Variants in SENP2 observed in about 807,000 individuals in gnomAD.
SENP2 encodes the protein SUMO specific peptidase 2, also known as sentrin-specific protease 2.
A neutral mutation model predicts 86.3 loss-of-function variants in SENP2; 16 were observed. The observed-to-expected ratio is 0.19, with a 90% CI of 0.13 to 0.28. The LOEUF (loss-of-function observed/expected upper bound fraction) is 0.28, where lower values mean the gene tolerates loss of function less well. Ranked by LOEUF, SENP2 falls within the 10% of genes least tolerant of loss-of-function variation. The pLI, the probability that SENP2 is intolerant of heterozygous loss-of-function variation, is 1.00. For missense variants in SENP2, 552 were observed against 703.0 expected, an observed-to-expected ratio of 0.79 and a Z score of 2.43; for synonymous variants, 222 against 238.7, an observed-to-expected ratio of 0.93 and a Z score of 0.64.
At chr3:185,627,334 G>A (rs1305019272) in intron 16 of SENP2, among the ~76,000 whole-genome samples, 1 of 152,186 alleles carries the variant, frequency 6.6e-6, no homozygotes, top group Non-Finnish European at 1.5e-5. Context: ...AAATCGGCCT[G>A]TGAGAACTGA....
chr3:185,603,882 G>C (rs1722426371), intron 5 of SENP2, among the ~76,000 whole-genome samples: 1 of 152,176 alleles, frequency 6.6e-6, no homozygotes, highest in African/African-American at 2.4e-5. Flanking sequence ...AGCACTTTGG[G>C]AGGCTGAGGT....
At chr3:185,621,767 A>C (rs1711900023) in intron 13 of SENP2, 59 bp from the exon 14 acceptor site, 1 of 1,022,272 alleles carries the variant, frequency 9.8e-7, no homozygotes, top group African/African-American at 1.6e-5. Context: ...TTTTGGAAGT[A>C]AAATTCTCAC....
Position 185,633,463 on chromosome 3 carries a change from T to C in SENP2, c.*3619T>C, listed in dbSNP as rs1460266670. On this transcript the variant is annotated 3_prime_UTR_variant, in exon 17 of 17. Transcript: ENST00000296257. Reference sequence around the variant, plus strand: ...GCTTTGATAATTTTTTTCTTTTAATTTACCTAATATATATAAGGAAGGGGT... The same window carrying C: ...GCTTTGATAATTTTTTTCTTTTAATCTACCTAATATATATAAGGAAGGGGT... 2 of 152,226 alleles carry C rather than the reference T, an allele frequency of 1.3e-5. No individual in the cohort carries two copies. Among genetic ancestry groups the C allele is most frequent in the East Asian group, 3.8e-4 (2 of 5,202 alleles). 9.4% of individuals were successfully genotyped at this position (152,226 alleles called of 1,614,324 possible). A position where few individuals can be genotyped will look rare whatever the true frequency, so the allele number is the denominator to read the frequency against.
intron 5 of SENP2, among the ~76,000 whole-genome samples, chr3:185,604,572 C>T (rs1435729061): frequency 2.6e-5 from 4 of 152,084 alleles, no homozygotes; most frequent in Admixed American, 2.0e-4. Context: ...GTCTTTGCTC[C>T]ATGTTTTTTT....
intron 15 of SENP2, among the ~76,000 whole-genome samples, chr3:185,625,784 G>A (rs1294327012): frequency 6.6e-6 from 1 of 152,154 alleles, no homozygotes; most frequent in Non-Finnish European, 1.5e-5. Flanking sequence ...TTACATTTCC[G>A]ATTGACCACA....
Position 185,600,793 on chromosome 3 carries a change from C to G in SENP2, c.387C>G (p.Asp129Glu). The change falls in exon 5 of 17, where the codon GAC (aspartate) becomes GAG (glutamate). Residue 129 changes from aspartate (D) to glutamate (E), a missense_variant. Around this residue, in one of 2 missense-constraint regions of SENP2, gnomAD observed 383 missense variants for 427.3 expected, o/e 0.90. Coordinates refer to ENST00000296257, the MANE Select transcript of SENP2 (RefSeq NM_021627.3). ...ATAAATCTCCTAATGGAATAAGTGA[C>G]TATCCAAAGATCAGAGTGACAGTTA... ...LGNKSPNGIS[D>E]YPKIRVTVTR... 1.2e-6 allele frequency: 2 copies of G among 1,609,278 alleles called. No individual in the cohort carries two copies. The highest frequency in any genetic ancestry group is 1.7e-6 in the Non-Finnish European group (2 of 1,175,906).
chr3:185,596,155 G>A (rs1330831088), intron 2 of SENP2, among the ~76,000 whole-genome samples: 3 of 151,974 alleles, frequency 2.0e-5, no homozygotes, highest in East Asian at 1.9e-4. Context: ...TAGTAGAGAC[G>A]GTTTCGCCAT....
rs759847077 is a variant in SENP2, at chr3:185,598,907, T to C, written c.292-51T>C. ...GTTATCTTTTCATAATAGAAAGTTA[T>C]TTAGGTGACAAAATTTAGATGCTAC... On this transcript the variant is annotated intron_variant, in intron 3 of 16. Coordinates refer to ENST00000296257, the MANE Select transcript of SENP2 (RefSeq NM_021627.3). The C allele has an allele frequency of 1.0e-5, 14 of 1,401,394 alleles. No individual in the cohort carries two copies. In the South Asian group the frequency reaches 1.7e-4, roughly 17 times the overall value. The allele number at this position is 1,401,394 out of a possible 1,614,324, so 86.8% of individuals were successfully genotyped here. A position where few individuals can be genotyped will look rare whatever the true frequency, so the allele number is the denominator to read the frequency against.
At chr3:185,624,204 TTTTTC>T in intron 15 of SENP2, 122 bp downstream of exon 15, 1 of 600,236 alleles carries the variant, frequency 1.7e-6, no homozygotes, top group Non-Finnish European at 2.8e-6. Context: ...CACATCTTTT[TTTTTC>T]TTTCTTTCTT....
intron 11 of SENP2, among the ~76,000 whole-genome samples, chr3:185,616,010 G>A (rs986822614): frequency 1.3e-5 from 2 of 151,224 alleles, no homozygotes; most frequent in African/African-American, 2.4e-5. Context: ...CTACAGGCGC[G>A]TGCCACCACG....
chr3:185,626,444 C>T (rs760211351), intron 16 of SENP2, 51 bp downstream of exon 16: 1 of 1,310,162 alleles, frequency 7.6e-7, no homozygotes, highest in Non-Finnish European at 1.1e-6. Context: ...CAAGATAAGG[C>T]ACTTGGCCAG....
chr3:185,611,642 G>T lies in SENP2; in HGVS notation c.723-9G>T, dbSNP rs1205043193. 1 of 1,599,028 alleles carries T rather than the reference G, an allele frequency of 6.3e-7. No homozygotes were observed. On this transcript the variant is annotated splice_polypyrimidine_tract_variant and intron_variant, in intron 7 of 16. Coordinates refer to ENST00000296257, the MANE Select transcript of SENP2 (RefSeq NM_021627.3). The stretch of plus-strand genomic sequence containing the variant: ...GTATCTGATCTCCCTCACTTTTTGT[G>T]TTTCTAAGTTCTCAAAGAAGTCAGA...
At chr3:185,597,350 GTTTATTTA>G (rs1203779773) in intron 2 of SENP2, among the ~76,000 whole-genome samples, 1 of 151,752 alleles carries the variant, frequency 6.6e-6, no homozygotes, top group Non-Finnish European at 1.5e-5. Context: ...TTATTTATTT[GTTTATTTA>G]TTTATTTATT....
chr3:185,587,954 T>C (rs1721849782), intron 1 of SENP2, among the ~76,000 whole-genome samples: 1 of 148,216 alleles, frequency 6.7e-6, no homozygotes, highest in African/African-American at 2.5e-5. Context: ...TTGGCCAGGC[T>C]AGTCTTGAAC....
At chr3:185,590,775 C>T (rs1381422182) in intron 2 of SENP2, among the ~76,000 whole-genome samples, 2 of 131,170 alleles carry the variant, frequency 1.5e-5, no homozygotes, top group African/African-American at 2.9e-5. Flanking sequence ...GCACGAGAAT[C>T]GCGTGAACCT....
At chr3:185,616,943 T>G (rs1229535260) in intron 11 of SENP2, among the ~76,000 whole-genome samples, 1 of 152,176 alleles carries the variant, frequency 6.6e-6, no homozygotes, top group Non-Finnish European at 1.5e-5. Context: ...TTCTTCTCTA[T>G]AAAATGATAA....
At position 185,630,030 on chromosome 3, in the gene SENP2, A is replaced by G. The variant is rs1355133017; in HGVS notation, c.*186A>G. ...CTTGGGGTGCAGAGGGCTGCTTGCA[A>G]TCCTGTTTGTAAGGCTGTGCCTGCT... is the stretch of plus-strand genomic sequence containing the variant. On this transcript the variant is annotated 3_prime_UTR_variant, in exon 17 of 17. Transcript: ENST00000296257. The G allele has an allele frequency of 1.7e-6, 1 of 593,952 alleles. No homozygotes were observed. The highest frequency in any genetic ancestry group is 3.1e-6 in the Non-Finnish European group (1 of 327,620). The allele number at this position is 593,952 out of a possible 1,614,324, so 36.8% of individuals were successfully genotyped here. A position where few individuals can be genotyped will look rare whatever the true frequency, so the allele number is the denominator to read the frequency against.
chr3:185,589,661 CTTTTA>C (rs1721912598), intron 1 of SENP2, among the ~76,000 whole-genome samples: 1 of 152,018 alleles, frequency 6.6e-6, no homozygotes, highest in African/African-American at 2.4e-5. Flanking sequence ...TTTTGTTTTG[CTTTTA>C]TTTTTAGTTT....
Position 185,614,691 on chromosome 3 carries a change from C to T in SENP2, c.1061C>T (p.Ser354Leu). 6.2e-7 allele frequency: 1 copy of T among 1,614,162 alleles called. No homozygotes were observed. Among genetic ancestry groups the T allele is most frequent in the South Asian group, 1.1e-5 (1 of 91,082 alleles). The change falls in exon 11 of 17, where the codon TCA (serine) becomes TTA (leucine). Residue 354 changes from serine (S) to leucine (L), a missense_variant. Ser to Leu is a moderately radical substitution (Grantham distance 145, BLOSUM62 -2). Coordinates refer to ENST00000296257, the MANE Select transcript of SENP2 (RefSeq NM_021627.3). Reference sequence around the variant, plus strand: ...ATTGAGACAAAGGAAAAGAATTGCTCAGGCAAAGAGAGGGACAGAAGAACG... The same window carrying T: ...ATTGAGACAAAGGAAAAGAATTGCTTAGGCAAAGAGAGGGACAGAAGAACG... ...SIIETKEKNC[S>L]GKERDRRTDD... is the part of the protein sequence containing the mutation.
Sources: gnomAD v4.1 joint callset for allele counts (sites outside exome capture counted in the v4.1 genomes callset) on GRCh38, gnomAD v4.1.1 for gene constraint, gnomAD v4.1.1 regional missense constraint, MANE v1.5 for transcripts, NCBI Gene and HGNC (gene_info 2026-07-23, HGNC 2026-07-21) for gene names.